LEKR1: variants seen among roughly 807,000 people sequenced by gnomAD.
LEKR1 encodes leucine, glutamate and lysine rich 1.
LEKR1 carries 59 observed loss-of-function variants against 72.4 expected under a neutral mutation model. The ratio of observed to expected loss-of-function variants is 0.82; its 90% CI spans 0.66 to 1.01. The LOEUF (loss-of-function observed/expected upper bound fraction) is 1.01, where lower values mean the gene tolerates loss of function less well. Ranked by LOEUF, LEKR1 falls within the 50% of genes least tolerant of loss-of-function variation. The pLI is 0.00. For synonymous variants in LEKR1, 257 were observed against 263.2 expected (o/e 0.98, Z 0.23); for missense variants, 728 against 759.2 (o/e 0.96, Z 0.48).
At chr3:156,997,020 G>A (rs565170010) in intron 9 of LEKR1, among the ~76,000 whole-genome samples, 10 of 150,854 alleles carry the variant, frequency 6.6e-5, no homozygotes, top group Non-Finnish European at 1.2e-4. Context: ...AGCCGAGACT[G>A]CACCATTGCA....
intron 6 of LEKR1, among the ~76,000 whole-genome samples, chr3:156,966,593 C>T (rs1382231554): frequency 2.0e-5 from 3 of 152,160 alleles, no homozygotes; most frequent in African/African-American, 7.2e-5. Flanking sequence ...GGGTGCCTGC[C>T]ATTGCCGAGG....
At chr3:156,863,196 G>A (rs1716956463) in intron 3 of LEKR1, among the ~76,000 whole-genome samples, 1 of 151,978 alleles carries the variant, frequency 6.6e-6, no homozygotes, top group Non-Finnish European at 1.5e-5. Context: ...AAGTCTAAGC[G>A]AGATAATTCA....
chr3:156,942,188 TA>T (rs557319579), intron 5 of LEKR1, among the ~76,000 whole-genome samples: 3 of 151,830 alleles, frequency 2.0e-5, no homozygotes, highest in Non-Finnish European at 2.9e-5. Context: ...TCATGTTGCT[TA>T]AAAAAAAGAT....
intron 3 of LEKR1, among the ~76,000 whole-genome samples, chr3:156,862,974 G>A (rs909812680): frequency 6.6e-6 from 1 of 152,058 alleles, no homozygotes; most frequent in Admixed American, 6.6e-5. Flanking sequence ...AAGGGAGGGA[G>A]ACGTTGGACA....
intron 12 of LEKR1, among the ~76,000 whole-genome samples, chr3:157,032,153 T>C (rs1734662796): frequency 6.6e-6 from 1 of 152,022 alleles, no homozygotes; most frequent in Non-Finnish European, 1.5e-5. Flanking sequence ...TCAAAATGGG[T>C]CATGTGCTTC....
chr3:157,036,402 A>G (rs9852415), intron 12 of LEKR1, among the ~76,000 whole-genome samples: 109,257 of 151,988 alleles, frequency 0.72, 39,775 homozygotes, highest in East Asian at 0.93. Flanking sequence ...GAAAATTCAA[A>G]GGAATAAGAA....
rs1359307675 is a variant in LEKR1, at chr3:156,857,061, C to T, written c.263+4079C>T. Among the ~76,000 whole-genome samples, 11 of 152,050 alleles carry T rather than the reference C, an allele frequency of 7.2e-5. No homozygotes were observed. In the East Asian group the frequency reaches 2.1e-3, roughly 29 times the overall value. ...ATCTGCTATAGGTTTCTTAAAGATA[C>T]CTTTTATCAATTTAAGGAATTCTTC... On this transcript the variant is annotated intron_variant, in intron 3 of 12. Transcript: ENST00000356539.
At chr3:156,972,458 C>T (rs1171328740) in intron 6 of LEKR1, among the ~76,000 whole-genome samples, 1 of 151,454 alleles carries the variant, frequency 6.6e-6, no homozygotes, top group Non-Finnish European at 1.5e-5. Flanking sequence ...CTAACCTGCA[C>T]GTTGTGCACA....
Position 157,003,407 on chromosome 3 carries a change from A to G in LEKR1, c.1110-8006A>G, listed in dbSNP as rs544735027. 5.9e-5 allele frequency among the ~76,000 whole-genome samples: 9 copies of G among 152,310 alleles called. No homozygotes were observed. The East Asian group carries it at 1.7e-3, about 29-fold the overall frequency. On this transcript the variant is annotated intron_variant, in intron 9 of 12. Transcript: ENST00000356539. Reference sequence around the variant, plus strand: ...ACCACAAATTTAGTGGCTTAAAATAACACAGATTTATTGTCTTACAGTTCT... The same window carrying G: ...ACCACAAATTTAGTGGCTTAAAATAGCACAGATTTATTGTCTTACAGTTCT...
intron 9 of LEKR1, among the ~76,000 whole-genome samples, chr3:157,004,301 C>A (rs867057854): frequency 6.6e-6 from 1 of 152,092 alleles, no homozygotes. Context: ...ATTTGCACAT[C>A]TAATAACAGA....
intron 5 of LEKR1, among the ~76,000 whole-genome samples, chr3:156,940,091 T>C (rs1372929778): frequency 2.6e-5 from 4 of 152,138 alleles, no homozygotes; most frequent in African/African-American, 9.7e-5. Context: ...CAACTAGTGG[T>C]ATATTAAAAA....
chr3:156,933,344 A>G (rs539187018), intron 5 of LEKR1, among the ~76,000 whole-genome samples: 14 of 152,270 alleles, frequency 9.2e-5, no homozygotes, highest in Admixed American at 7.2e-4. Flanking sequence ...GCTGAATTGT[A>G]TAGTAGAGTA....
intron 6 of LEKR1, among the ~76,000 whole-genome samples, chr3:156,949,854 A>G (rs1351137353): frequency 6.6e-6 from 1 of 151,300 alleles, no homozygotes; most frequent in African/African-American, 2.4e-5. Context: ...CTTTATTTTA[A>G]TATCTTTGTC....
rs543674062 is a variant in LEKR1 at position 157,026,568 on chromosome 3, A to G, written c.1369-1535A>G. On this transcript the variant is annotated intron_variant, in intron 11 of 12. Coordinates refer to ENST00000356539, the MANE Select transcript of LEKR1 (RefSeq NM_001004316.3). ...CTTCCCTCTTGGATTAATTGAAGAT[A>G]ATAGAATATTAATTTATAAAATTAT... Among the ~76,000 whole-genome samples the G allele has an allele frequency of 3.3e-5, 5 of 152,310 alleles. No individual in the cohort carries two copies. The East Asian group carries it at 9.6e-4, about 29-fold the overall frequency.
chr3:156,875,475 G>A (rs930116999), intron 3 of LEKR1, among the ~76,000 whole-genome samples: 38 of 151,878 alleles, frequency 2.5e-4, no homozygotes, highest in African/African-American at 7.7e-4. Flanking sequence ...TTCTGTGGGC[G>A]GTCTGTTTAC....
chr3:156,830,611 C>A (rs1712251602), intron 2 of LEKR1, among the ~76,000 whole-genome samples: 1 of 152,040 alleles, frequency 6.6e-6, no homozygotes, highest in Admixed American at 6.6e-5. Flanking sequence ...ATAATGAAAG[C>A]ATAGTTTTTA....
At chr3:156,996,882 T>C (rs755686985) in intron 9 of LEKR1, among the ~76,000 whole-genome samples, 19 of 151,994 alleles carry the variant, frequency 1.3e-4, no homozygotes, top group Non-Finnish European at 2.4e-4. Flanking sequence ...CTGGCCAACA[T>C]AGTGAAACCC....
chr3:156,955,692 A>G (rs907213128), intron 6 of LEKR1, among the ~76,000 whole-genome samples: 2 of 152,078 alleles, frequency 1.3e-5, no homozygotes, highest in African/African-American at 4.8e-5. Flanking sequence ...CCAGGGATGA[A>G]GCCAACTTGA....
intron 3 of LEKR1, among the ~76,000 whole-genome samples, chr3:156,860,930 T>C (rs1223924917): frequency 6.6e-6 from 1 of 152,152 alleles, no homozygotes; most frequent in African/African-American, 2.4e-5. Flanking sequence ...CATGTTTAAT[T>C]TCTAGGCAGG....
Sources: gnomAD v4.1 joint callset for allele counts (sites outside exome capture counted in the v4.1 genomes callset) on GRCh38, gnomAD v4.1.1 for gene constraint, MANE v1.5 for transcripts, NCBI Gene and HGNC (gene_info 2026-07-23, HGNC 2026-07-21) for gene names.